GPD2: variants seen among roughly 807,000 people sequenced by gnomAD.
The protein encoded by GPD2 is glycerol-3-phosphate dehydrogenase, mitochondrial.
In GPD2, 54 loss-of-function variants were observed where a neutral mutation model predicts 82.4. The observed-to-expected ratio is 0.66, with a 90% CI of 0.53 to 0.82. The LOEUF (loss-of-function observed/expected upper bound fraction) is 0.82, where lower values mean the gene tolerates loss of function less well. Ranked by LOEUF, GPD2 falls within the 40% of genes least tolerant of loss-of-function variation. GPD2 has a pLI of 0.00. For synonymous variants in GPD2, 288 were observed against 306.1 expected (o/e 0.94, Z 0.62); for missense variants, 748 against 896.2 (o/e 0.83, Z 2.11).
intron 8 of GPD2, among the ~76,000 whole-genome samples, chr2:156,555,440 ACAT>A (rs1178422300): frequency 6.6e-6 from 1 of 152,200 alleles, no homozygotes; most frequent in African/African-American, 2.4e-5. Flanking sequence ...TATTTTAGAC[ACAT>A]CATATGATGT....
At position 156,571,204 on chromosome 2, in the gene GPD2, T is replaced by G. The variant is rs1270010459; in HGVS notation, c.1679T>G (p.Phe560Cys). Residue 560 changes from phenylalanine (F) to cysteine (C), a missense_variant, in exon 13 of 17, where the codon TTT becomes TGT. Phe to Cys is a radical substitution (Grantham distance 205). Transcript: ENST00000438166. ...ATTTCACGTCGTACTCGCCTGGCCT[T>G]TCTAAATGTCCAGGCAGCAGAGGAA... ...DMISRRTRLAFLNVQAAEEAL... is the reference protein window; with the variant it reads ...DMISRRTRLACLNVQAAEEAL... 6.2e-7 allele frequency: 1 copy of G among 1,611,360 alleles called. No individual in the cohort carries two copies. Among genetic ancestry groups the G allele is most frequent in the Non-Finnish European group, 8.5e-7 (1 of 1,177,666 alleles).
the GPD2 span, among the ~76,000 whole-genome samples, chr2:156,426,474 C>T: frequency 6.6e-6 from 1 of 152,174 alleles, no homozygotes; most frequent in African/African-American, 2.4e-5. Flanking sequence ...ATTACCTTCA[C>T]CTGGTTTCTC....
At chr2:156,419,626 T>C in the GPD2 span, among the ~76,000 whole-genome samples, 1 of 152,198 alleles carries the variant, frequency 6.6e-6, no homozygotes, top group South Asian at 2.1e-4. Flanking sequence ...GCCTCTTTTG[T>C]TTTCTTTCAT....
Position 156,549,586 on chromosome 2 carries a change from CCT to C in GPD2, c.662-21_662-20del. On this transcript the variant is annotated intron_variant, in intron 6 of 16. Transcript: ENST00000438166. Reference sequence around the variant, plus strand: ...GGCTCGAGGTGACTCCTCTCCCTCCCCTGATGCTTTCCCCGCTGCAGGACAAC... The same window carrying C: ...GGCTCGAGGTGACTCCTCTCCCTCCCGATGCTTTCCCCGCTGCAGGACAAC... The C allele has an allele frequency of 6.2e-7, 1 of 1,612,458 alleles. No homozygotes were observed. Among genetic ancestry groups the C allele is most frequent in the Non-Finnish European group, 8.5e-7 (1 of 1,178,500 alleles).
At chr2:156,568,794 G>T (rs1026469135) in intron 9 of GPD2, 31 bp from the exon 10 acceptor site, 1 of 1,600,410 alleles carries the variant, frequency 6.2e-7, no homozygotes, top group Non-Finnish European at 8.6e-7. Context: ...TTTGAGCAAT[G>T]TTCATAACCC....
chr2:156,461,228 G>C (rs1682977680), intron 1 of GPD2, among the ~76,000 whole-genome samples: 1 of 146,398 alleles, frequency 6.8e-6, no homozygotes, highest in South Asian at 2.1e-4. Flanking sequence ...GAGTGCAGTG[G>C]TGGGATCTCA....
chr2:156,519,794 G>C (rs966723882), intron 6 of GPD2, among the ~76,000 whole-genome samples: 3 of 152,234 alleles, frequency 2.0e-5, no homozygotes, highest in African/African-American at 7.2e-5. Flanking sequence ...GCAAACAGGT[G>C]CCTGGGCCAG....
intron 1 of GPD2, among the ~76,000 whole-genome samples, chr2:156,444,829 G>T (rs1387569375): frequency 3.9e-5 from 6 of 152,178 alleles, no homozygotes; most frequent in African/African-American, 1.2e-4. Context: ...ATAGCTCACT[G>T]CAGCTTTGCA....
At chr2:156,439,721 C>T (rs573785184) in intron 1 of GPD2, among the ~76,000 whole-genome samples, 110 of 151,598 alleles carry the variant, frequency 7.3e-4, no homozygotes, top group Middle Eastern at 3.4e-3. Context: ...ATCGTGGGCA[C>T]CTGTAATCCC....
chr2:156,476,799 A>T (rs553248430), intron 2 of GPD2, among the ~76,000 whole-genome samples: 3 of 152,100 alleles, frequency 2.0e-5, no homozygotes, highest in Non-Finnish European at 4.4e-5. Flanking sequence ...CATAGTTCAA[A>T]CTGATGCCCG....
chr2:156,528,857 G>T (rs1289461042), intron 6 of GPD2, among the ~76,000 whole-genome samples: 1 of 152,116 alleles, frequency 6.6e-6, no homozygotes, highest in Admixed American at 6.5e-5. Context: ...ATTTGGGTTG[G>T]TTCCAAGTCT....
At chr2:156,479,569 G>C (rs1683646240) in intron 2 of GPD2, among the ~76,000 whole-genome samples, 1 of 152,180 alleles carries the variant, frequency 6.6e-6, no homozygotes, top group South Asian at 2.1e-4. Flanking sequence ...AGGAATGTGA[G>C]GGTTGTTATA....
chr2:156,440,957 A>C (rs1303203188), intron 1 of GPD2, among the ~76,000 whole-genome samples: 1 of 152,220 alleles, frequency 6.6e-6, no homozygotes, highest in African/African-American at 2.4e-5. Context: ...CTGGTGCCAG[A>C]GGAACCAACT....
chr2:156,408,104 C>T, the GPD2 span, among the ~76,000 whole-genome samples: 3 of 151,686 alleles, frequency 2.0e-5, no homozygotes, highest in African/African-American at 7.3e-5. Flanking sequence ...TACAGGCATG[C>T]GCCACCACAC....
At chr2:156,407,174 T>G in the GPD2 span, among the ~76,000 whole-genome samples, 610 of 152,334 alleles carry the variant, frequency 4.0e-3, 4 homozygotes, top group African/African-American at 0.014. Flanking sequence ...ATCGCACCAC[T>G]GCACTCCAGC....
intron 2 of GPD2, among the ~76,000 whole-genome samples, chr2:156,482,376 TTC>T (rs1683764211): frequency 6.6e-6 from 1 of 152,172 alleles, no homozygotes; most frequent in Admixed American, 6.5e-5. Flanking sequence ...TTCCCACTGT[TTC>T]TTTCTTTTTT....
intron 2 of GPD2, among the ~76,000 whole-genome samples, chr2:156,480,060 A>G (rs1202568872): frequency 6.6e-6 from 1 of 152,202 alleles, no homozygotes; most frequent in Non-Finnish European, 1.5e-5. Flanking sequence ...TTGGTTTAAT[A>G]ATACACTTTT....
chr2:156,504,269 G>A (rs1415874214), intron 3 of GPD2, among the ~76,000 whole-genome samples: 1 of 151,948 alleles, frequency 6.6e-6, no homozygotes, highest in Non-Finnish European at 1.5e-5. Context: ...TATTTTAGAG[G>A]AATTGATCCT....
chr2:156,468,625 T>C (rs966803527), intron 1 of GPD2, among the ~76,000 whole-genome samples: 21 of 152,240 alleles, frequency 1.4e-4, no homozygotes, highest in African/African-American at 5.1e-4. Context: ...TGAAATGCCT[T>C]GTACATCTGG....
Sources: gnomAD v4.1 joint callset for allele counts (sites outside exome capture counted in the v4.1 genomes callset) on GRCh38, gnomAD v4.1.1 for gene constraint, MANE v1.5 for transcripts, NCBI Gene and HGNC (gene_info 2026-07-23, HGNC 2026-07-21) for gene names.